SIPA1L1: variants seen among roughly 807,000 people sequenced by gnomAD.
SIPA1L1 encodes signal-induced proliferation-associated 1-like protein 1.
In SIPA1L1, 26 loss-of-function variants were observed where a neutral mutation model predicts 162.7. The ratio of observed to expected loss-of-function variants is 0.16; its 90% CI spans 0.12 to 0.22. The LOEUF (loss-of-function observed/expected upper bound fraction) is 0.22. Among genes scored for constraint, SIPA1L1 ranks in the 10% least tolerant of loss-of-function variants. The probability of loss-of-function intolerance (pLI) is 1.00; values close to 1 mark genes in which losing one functional copy is unlikely to be tolerated. For synonymous variants in SIPA1L1, 829 were observed against 837.4 expected (o/e 0.99, Z 0.17); for missense variants, 1,874 against 2,241.0 (o/e 0.84, Z 3.31).
intron 2 of SIPA1L1, among the ~76,000 whole-genome samples, chr14:71,338,356 G>A (rs1397287645): frequency 6.6e-6 from 1 of 152,192 alleles, no homozygotes; most frequent in Non-Finnish European, 1.5e-5. Context: ...GGCCTCACAG[G>A]ACAGAACCAA....
intron 4 of SIPA1L1, among the ~76,000 whole-genome samples, chr14:71,553,339 A>G (rs1481039111): frequency 2.6e-5 from 4 of 152,164 alleles, no homozygotes; most frequent in Admixed American, 6.5e-5. Flanking sequence ...TTCTGGGGGA[A>G]TTTGTTCTTT....
At chr14:71,401,165 T>G (rs990327595) in intron 2 of SIPA1L1, among the ~76,000 whole-genome samples, 11 of 152,320 alleles carry the variant, frequency 7.2e-5, no homozygotes, top group Non-Finnish European at 1.6e-4. Context: ...AGCCACTAAG[T>G]AGTTTGTTCA....
chr14:71,378,397 T>G (rs2039605497), intron 2 of SIPA1L1, among the ~76,000 whole-genome samples: 1 of 152,210 alleles, frequency 6.6e-6, no homozygotes. Context: ...TGTTTTCTGA[T>G]TTCCTTTTTG....
chr14:71,430,393 T>C (rs551294705), intron 2 of SIPA1L1, among the ~76,000 whole-genome samples: 12 of 152,350 alleles, frequency 7.9e-5, no homozygotes, highest in Admixed American at 6.5e-4. Context: ...AGTCTTCATA[T>C]GCCACTTCTT....
intron 2 of SIPA1L1, among the ~76,000 whole-genome samples, chr14:71,346,215 T>C (rs932758262): frequency 6.6e-6 from 1 of 152,202 alleles, no homozygotes; most frequent in Non-Finnish European, 1.5e-5. Flanking sequence ...CAAATTTGTA[T>C]AATTTTTAAC....
Position 71,599,263 on chromosome 14 carries a change from G to C in SIPA1L1, c.1498+9893G>C, listed in dbSNP as rs2036436601. Among the ~76,000 whole-genome samples, 2 of 145,978 alleles carry C rather than the reference G, an allele frequency of 1.4e-5. 1 individual carries two copies. The highest frequency in any genetic ancestry group is 3.0e-5 in the Non-Finnish European group (2 of 67,376). On this transcript the variant is annotated intron_variant, in intron 5 of 23. Coordinates refer to ENST00000381232, the MANE Select transcript of SIPA1L1 (RefSeq NM_001386936.1). ...CCTCCCAGGTTCAAGTGATTCTCCT[G>C]CCTCAGCCTCCCGAGTAGCTGGGAT...
intron 2 of SIPA1L1, among the ~76,000 whole-genome samples, chr14:71,508,839 T>C (rs1192645941): frequency 6.6e-6 from 1 of 152,182 alleles, no homozygotes; most frequent in Non-Finnish European, 1.5e-5. Flanking sequence ...TTGTCATAGA[T>C]TTATTTGTAG....
intron 2 of SIPA1L1, among the ~76,000 whole-genome samples, chr14:71,407,483 C>T (rs1397409957): frequency 9.3e-6 from 1 of 107,970 alleles, no homozygotes; most frequent in East Asian, 2.8e-4. Flanking sequence ...CCATTCCCTT[C>T]CCTCCCCTTC....
At chr14:71,656,479 A>G (rs528143386) in intron 8 of SIPA1L1, among the ~76,000 whole-genome samples, 1 of 152,346 alleles carries the variant, frequency 6.6e-6, no homozygotes, top group East Asian at 1.9e-4. Context: ...GTTCTTGACA[A>G]TAGATAAGTT....
intron 7 of SIPA1L1, among the ~76,000 whole-genome samples, chr14:71,637,773 T>G: frequency 6.6e-6 from 1 of 151,980 alleles, no homozygotes; most frequent in South Asian, 2.1e-4. Context: ...GGGAAAAACA[T>G]GGTATATAGT....
chr14:71,478,519 A>C (rs1013531524), intron 2 of SIPA1L1, among the ~76,000 whole-genome samples: 1 of 152,148 alleles, frequency 6.6e-6, no homozygotes, highest in Non-Finnish European at 1.5e-5. Context: ...TTTATTTTGA[A>C]TTAATATTTC....
At chr14:71,696,119 G>A (rs934453038) in intron 13 of SIPA1L1, among the ~76,000 whole-genome samples, 9 of 152,012 alleles carry the variant, frequency 5.9e-5, no homozygotes, top group Admixed American at 1.3e-4. Flanking sequence ...ACGTGGCCCC[G>A]CCATACCTGC....
chr14:71,386,842 C>T (rs1333462461), intron 2 of SIPA1L1, among the ~76,000 whole-genome samples: 1 of 152,190 alleles, frequency 6.6e-6, no homozygotes, highest in East Asian at 1.9e-4. Context: ...TAAGGTTTAA[C>T]CAGGATCCAA....
At chr14:71,575,604 T>G (rs1416232851) in intron 4 of SIPA1L1, among the ~76,000 whole-genome samples, 1 of 152,198 alleles carries the variant, frequency 6.6e-6, no homozygotes, top group Non-Finnish European at 1.5e-5. Flanking sequence ...GTCTCTCCCT[T>G]TAATGCTGTA....
At chr14:71,535,322 G>GTAAC (rs1471925776) in intron 4 of SIPA1L1, among the ~76,000 whole-genome samples, 1 of 152,204 alleles carries the variant, frequency 6.6e-6, no homozygotes, top group Non-Finnish European at 1.5e-5. Flanking sequence ...TGTTGAAGGA[G>GTAAC]TAACTGCCCT....
chr14:71,685,731 G>T (rs2046234294), intron 13 of SIPA1L1, 100 bp downstream of exon 13: 2 of 1,434,398 alleles, frequency 1.4e-6, no homozygotes, highest in South Asian at 1.4e-5. Flanking sequence ...TATTTTACTA[G>T]AAACAAAGAA....
At chr14:71,652,060 G>T (rs1398954918) in intron 8 of SIPA1L1, among the ~76,000 whole-genome samples, 1 of 151,862 alleles carries the variant, frequency 6.6e-6, no homozygotes, top group Non-Finnish European at 1.5e-5. Context: ...TTCCTGAGAA[G>T]GATTCAAAGA....
At chr14:71,702,252 C>G (rs2082144806) in intron 14 of SIPA1L1, 129 bp from the exon 15 acceptor site, 1 of 915,266 alleles carries the variant, frequency 1.1e-6, no homozygotes, top group African/African-American at 1.6e-5. Context: ...GGTGTGTATA[C>G]AAGTACAGAC....
At chr14:71,502,242 G>A (rs374268872) in intron 2 of SIPA1L1, among the ~76,000 whole-genome samples, 19 of 108,322 alleles carry the variant, frequency 1.8e-4, no homozygotes, top group African/African-American at 2.6e-4. Context: ...TGAGATACTT[G>A]AAAAAAAAAA....
Sources: gnomAD v4.1 joint callset for allele counts (sites outside exome capture counted in the v4.1 genomes callset) on GRCh38, gnomAD v4.1.1 for gene constraint, MANE v1.5 for transcripts, NCBI Gene and HGNC (gene_info 2026-07-23, HGNC 2026-07-21) for gene names.